Variants in CTSZ observed in about 807,000 individuals in gnomAD.
CTSZ encodes carboxypeptidase LB.
A neutral mutation model predicts 32.4 loss-of-function variants in CTSZ; 39 were observed. That is an observed-to-expected ratio of 1.20 (90% CI 0.93 to 1.57). CTSZ has a LOEUF of 1.57. Ranked by LOEUF, CTSZ falls within the 40% of genes most tolerant of loss-of-function variation. The pLI, the probability that CTSZ is intolerant of heterozygous loss-of-function variation, is 0.00. For missense variants in CTSZ, 397 were observed against 419.6 expected (o/e 0.95, Z 0.47); for synonymous variants, 168 against 170.1 (o/e 0.99, Z 0.10).
In CTSZ at chr20:59,001,498, C is replaced by T. The variant is rs1056673926; in HGVS notation, c.454G>A (p.Glu152Lys). 5 of 1,613,818 alleles carry T rather than the reference C, an allele frequency of 3.1e-6. No homozygotes were observed. Among genetic ancestry groups the T allele is most frequent in the African/African-American group, 2.7e-5 (2 of 75,052 alleles). Reference sequence around the variant, plus strand: ...TTGGCCTGGTAGTTGTTGCAGGTCTCGTCAGGGATGCCGTGCTGGTGGGCG... The same window carrying T: ...TTGGCCTGGTAGTTGTTGCAGGTCTTGTCAGGGATGCCGTGCTGGTGGGCG... ...DYAHQHGIPD[E>K]TCNNYQAKDQ... The change falls in exon 3 of 6, where the codon GAG (glutamate) becomes AAG (lysine). Residue 152 changes from glutamate to lysine, a missense_variant. Glu to Lys is a moderately conservative substitution (Grantham distance 56, BLOSUM62 1). Transcript: ENST00000217131.
chr20:58,998,546 C>CAAAAAAA (rs148092871), intron 3 of CTSZ, among the ~76,000 whole-genome samples: 13 of 129,102 alleles, frequency 1.0e-4, no homozygotes, highest in East Asian at 4.6e-4. Flanking sequence ...GACTCCGTCT[C>CAAAAAAA]AAAAAAAAAG....
In CTSZ at chr20:59,006,299, ACAGT is replaced by A. The variant is rs775163478; in HGVS notation, c.307+19_307+22del. The A allele has an allele frequency of 6.5e-5, 102 of 1,578,106 alleles. No individual in the cohort carries two copies. Among genetic ancestry groups the A allele is most frequent in the Non-Finnish European group, 8.5e-5 (99 of 1,162,138 alleles). On this transcript the variant is annotated intron_variant, in intron 2 of 5. Transcript: ENST00000217131. ...CAGCCGGGATGGGCTTTCCTGGCCCACAGTCAAAGGGCGGCCACTCACCCGCCAT... is the reference window on the plus strand; with the variant it reads ...CAGCCGGGATGGGCTTTCCTGGCCCACAAAGGGCGGCCACTCACCCGCCAT...
chr20:59,006,707 G>A (rs2091909903), intron 1 of CTSZ, among the ~76,000 whole-genome samples: 1 of 152,220 alleles, frequency 6.6e-6, no homozygotes, highest in South Asian at 2.1e-4. Flanking sequence ...GGAGGGAACC[G>A]GGTTGCTCCC....
At chr20:59,006,072 G>A in intron 2 of CTSZ, 1 of 520,550 alleles carries the variant, frequency 1.9e-6, no homozygotes, top group South Asian at 2.8e-5. Context: ...GGGGAGAGAG[G>A]GCACCTGGCA....
intron 5 of CTSZ, 42 bp downstream of exon 5, chr20:58,996,596 GT>G (rs1459790749): frequency 1.9e-6 from 3 of 1,603,240 alleles, no homozygotes; most frequent in African/African-American, 1.3e-5. Context: ...GTACCAGGAC[GT>G]TTTTTTCTAG....
chr20:59,006,635 C>G (rs528315317), intron 1 of CTSZ, 150 bp from the exon 2 acceptor site: 45 of 800,118 alleles, frequency 5.6e-5, no homozygotes, highest in Non-Finnish European at 8.2e-5. Flanking sequence ...AGGTGTGGGC[C>G]CACCTCACAC....
In CTSZ at chr20:59,001,447, G is replaced by A; in HGVS notation, c.487+18C>T. 1.9e-6 allele frequency: 3 copies of A among 1,595,244 alleles called. No individual in the cohort carries two copies. The highest frequency in any genetic ancestry group is 2.6e-6 in the Non-Finnish European group (3 of 1,166,652). On this transcript the variant is annotated intron_variant, in intron 3 of 5. Transcript: ENST00000217131. Reference sequence around the variant, plus strand: ...TGGAGGGCAGGAGGGTGGAGTGGGGGCACGGGCAGCAGCCTACCCTGGTCC... The same window carrying A: ...TGGAGGGCAGGAGGGTGGAGTGGGGACACGGGCAGCAGCCTACCCTGGTCC...
chr20:59,004,718 A>G lies in CTSZ; in HGVS notation c.307+1604T>C, dbSNP rs796266503. On this transcript the variant is annotated intron_variant, in intron 2 of 5. Transcript: ENST00000217131. This position sits in a 1 kb window ranked among gnomAD's most constrained non-coding sequence, Gnocchi z 5.6. ...CTGCTGCCTTGGCTGGCAAATGGCC[A>G]GGGCCCCGTGGAAGTCCCCTTCTGG... 2.6e-5 allele frequency among the ~76,000 whole-genome samples: 4 copies of G among 152,118 alleles called. No homozygotes were observed. The South Asian group carries it at 6.2e-4, about 24-fold the overall frequency.
intron 2 of CTSZ, among the ~76,000 whole-genome samples, chr20:59,003,094 G>A (rs1241130411): frequency 6.6e-6 from 1 of 152,214 alleles, no homozygotes; most frequent in East Asian, 1.9e-4. Context: ...CTCTCCGGCA[G>A]CAGTCAGCAC....
rs554758783 is a variant in CTSZ, at chr20:59,006,981, C to A, written c.143+5G>T. On this transcript the variant is annotated splice_donor_5th_base_variant and intron_variant, in intron 1 of 5. Transcript: ENST00000217131. ...CCCCAGGGCTGCCTCCCCGCCGGTG[C>A]CCACCTGCGCCCCAGCGGAGCCAGC... The A allele has an allele frequency of 7.6e-6, 11 of 1,441,958 alleles. No homozygotes were observed. In the East Asian group the frequency reaches 1.5e-4, roughly 20 times the overall value. 89.3% of individuals were successfully genotyped at this position (1,441,958 alleles called of 1,614,324 possible).
At chr20:58,996,949 G>A in intron 4 of CTSZ, 148 bp from the exon 5 acceptor site, 1 of 797,572 alleles carries the variant, frequency 1.3e-6, no homozygotes, top group Non-Finnish European at 1.9e-6. Context: ...TTGAGTCCAG[G>A]AATTCAAGAC....
rs1312596485 is a variant in CTSZ, at chr20:58,997,133, G to C, written c.639-332C>G. ...GCGAAGATCATACCACTGCACTCCAGCCTGGGTGACAGAGTGAGACTGTGT... is the reference window on the plus strand; with the variant it reads ...GCGAAGATCATACCACTGCACTCCACCCTGGGTGACAGAGTGAGACTGTGT... On this transcript the variant is annotated intron_variant, in intron 4 of 5. Transcript: ENST00000217131. Among the ~76,000 whole-genome samples the C allele has an allele frequency of 2.2e-5, 3 of 137,844 alleles. No individual in the cohort carries two copies. The Admixed American group carries it at 2.4e-4, about 11-fold the overall frequency. 90.4% of individuals were successfully genotyped at this position (137,844 alleles called of 152,430 possible).
chr20:59,005,358 G>A (rs561320690), intron 2 of CTSZ, among the ~76,000 whole-genome samples: 4 of 152,266 alleles, frequency 2.6e-5, no homozygotes, highest in African/African-American at 9.6e-5. Context: ...TCAAATCTCA[G>A]CTGTCACTCA....
At chr20:58,996,828 C>G in intron 4 of CTSZ, 27 bp from the exon 5 acceptor site, 1 of 1,609,100 alleles carries the variant, frequency 6.2e-7, no homozygotes, top group South Asian at 1.1e-5. Flanking sequence ...AAAGAATTAC[C>G]ACTTTTAAAT....
chr20:59,002,042 C>T lies in CTSZ; in HGVS notation c.308-398G>A, dbSNP rs916180247. On this transcript the variant is annotated intron_variant, in intron 2 of 5. Coordinates refer to ENST00000217131, the MANE Select transcript of CTSZ (RefSeq NM_001336.4). The surrounding 1 kb of genome is among the most constrained non-coding windows in gnomAD (Gnocchi z 4.1). Reference sequence around the variant, plus strand: ...CACCCCAAAGCCAGCCAGGAGAGACCGTCCCTGCCCTCGTGGACAGGGGGC... The same window carrying T: ...CACCCCAAAGCCAGCCAGGAGAGACTGTCCCTGCCCTCGTGGACAGGGGGC... Among the ~76,000 whole-genome samples the T allele has an allele frequency of 7.9e-5, 12 of 152,252 alleles. No homozygotes were observed. Among genetic ancestry groups the T allele is most frequent in the Middle Eastern group, 3.2e-3 (1 of 316 alleles).
intron 3 of CTSZ, among the ~76,000 whole-genome samples, chr20:59,000,696 C>G (rs1568682846): frequency 6.6e-6 from 1 of 152,176 alleles, no homozygotes; most frequent in Non-Finnish European, 1.5e-5. Context: ...CTACACCTCT[C>G]CCCTACAAAG....
intron 2 of CTSZ, among the ~76,000 whole-genome samples, chr20:59,005,061 C>T (rs191128999): frequency 3.5e-4 from 54 of 152,242 alleles, no homozygotes; most frequent in Non-Finnish European, 4.1e-4. Flanking sequence ...ACTTCCTCAG[C>T]GGGTGCCAGG....
At chr20:59,006,281 G>A in intron 2 of CTSZ, 41 bp downstream of exon 2, 1 of 1,550,100 alleles carries the variant, frequency 6.5e-7, no homozygotes, top group Non-Finnish European at 8.7e-7. Flanking sequence ...AGGCAGCCGG[G>A]ATGGGCTTTC....
rs1311684398 is a variant in CTSZ at position 59,002,060 on chromosome 20, C to G, written c.308-416G>C. Among the ~76,000 whole-genome samples the G allele has an allele frequency of 6.6e-6, 1 of 152,230 alleles. No homozygotes were observed. Among genetic ancestry groups the G allele is most frequent in the African/African-American group, 2.4e-5 (1 of 41,454 alleles). On this transcript the variant is annotated intron_variant, in intron 2 of 5. Coordinates refer to ENST00000217131, the MANE Select transcript of CTSZ (RefSeq NM_001336.4). The surrounding 1 kb of genome is among the most constrained non-coding windows in gnomAD (Gnocchi z 4.1). The stretch of plus-strand genomic sequence containing the variant: ...GAGAGACCGTCCCTGCCCTCGTGGA[C>G]AGGGGGCCAAGGTGTCAGCTCTGTG...
Sources: allele counts gnomAD v4.1 joint callset (sites outside exome capture counted in the v4.1 genomes callset), GRCh38; gene constraint gnomAD v4.1.1; non-coding constraint Gnocchi (gnomAD v3.1); transcripts MANE v1.5; gene names NCBI Gene and HGNC (gene_info 2026-07-23, HGNC 2026-07-21).